The following ELAVL4 variants were observed in gnomAD, a reference collection of about 807,000 sequenced individuals.
ELAVL4 encodes ELAV like RNA binding protein 4.
A neutral mutation model predicts 35.6 loss-of-function variants in ELAVL4; 1 was observed. The observed-to-expected ratio is 0.03, with a 90% CI of 0.01 to 0.13. ELAVL4 has a LOEUF of 0.13. Ranked by LOEUF, ELAVL4 falls within the 10% of genes least tolerant of loss-of-function variation. The pLI is 1.00. For synonymous variants in ELAVL4, 156 were observed against 171.0 expected, an observed-to-expected ratio of 0.91 and a Z score of 0.69; for missense variants, 267 against 464.9, an observed-to-expected ratio of 0.57 and a Z score of 3.91.
chr1:50,184,691 C>G (rs1681561353), intron 3 of ELAVL4, among the ~76,000 whole-genome samples: 1 of 152,172 alleles, frequency 6.6e-6, no homozygotes, highest in South Asian at 2.1e-4. Flanking sequence ...TTTCAAGAAT[C>G]TGGGAAGAGA....
At chr1:50,048,201 A>G in intron 1 of ELAVL4, 3 of 1,514,384 alleles carry the variant, frequency 2.0e-6, no homozygotes, top group Non-Finnish European at 1.8e-6. Context: ...GCCTCGGCGC[A>G]GGCCCCGCAC....
intron 1 of ELAVL4, among the ~76,000 whole-genome samples, chr1:50,061,697 G>A (rs1663986141): frequency 1.3e-5 from 2 of 152,154 alleles, no homozygotes; most frequent in South Asian, 2.1e-4. Context: ...TTTGCTGGGC[G>A]GTCCTAGCCA....
At chr1:50,193,576 C>G (rs968570726) in intron 3 of ELAVL4, among the ~76,000 whole-genome samples, 189 bp from the exon 4 acceptor site, 1 of 152,082 alleles carries the variant, frequency 6.6e-6, no homozygotes, top group East Asian at 1.9e-4. Flanking sequence ...TCCTGTTGTT[C>G]CTCTATTGTT....
chr1:50,190,061 C>T (rs954309008), intron 3 of ELAVL4, among the ~76,000 whole-genome samples: 1 of 152,184 alleles, frequency 6.6e-6, no homozygotes, highest in Non-Finnish European at 1.5e-5. Flanking sequence ...TTTGAGCCAC[C>T]CCTACCCAGA....
At chr1:50,144,806 C>T in intron 1 of ELAVL4, 151 bp from the exon 2 acceptor site, 1 of 1,184,000 alleles carries the variant, frequency 8.4e-7, no homozygotes, top group Non-Finnish European at 1.2e-6. Context: ...TAAAAACATG[C>T]TTCTAAATTG....
intron 1 of ELAVL4, among the ~76,000 whole-genome samples, chr1:50,112,139 A>T (rs1667178309): frequency 6.6e-6 from 1 of 152,082 alleles, no homozygotes; most frequent in African/African-American, 2.4e-5. Context: ...GGATTTAAAA[A>T]TTTTATTTTC....
chr1:50,080,738 T>C (rs914071128), intron 1 of ELAVL4, among the ~76,000 whole-genome samples: 1 of 152,180 alleles, frequency 6.6e-6, no homozygotes, highest in Non-Finnish European at 1.5e-5. Context: ...GTTCAGATGT[T>C]ACCTCCACTG....
At chr1:50,083,498 A>G (rs1251672700) in intron 1 of ELAVL4, among the ~76,000 whole-genome samples, 1 of 152,202 alleles carries the variant, frequency 6.6e-6, no homozygotes, top group Non-Finnish European at 1.5e-5. Context: ...AACTTGAATC[A>G]GGTATGTCTG....
intron 2 of ELAVL4, among the ~76,000 whole-genome samples, chr1:50,168,334 A>AT (rs1678329574): frequency 6.6e-6 from 1 of 151,910 alleles, no homozygotes; most frequent in South Asian, 2.1e-4. Flanking sequence ...TCAGGGTCCC[A>AT]TTTTTTCCAA....
intron 2 of ELAVL4, among the ~76,000 whole-genome samples, chr1:50,159,829 A>G (rs193006859): frequency 5.2e-4 from 79 of 152,266 alleles, no homozygotes; most frequent in Non-Finnish European, 9.1e-4. Flanking sequence ...AACAGTTCCT[A>G]CATGAAGACC....
chr1:50,071,505 A>G (rs1422306327), intron 1 of ELAVL4, among the ~76,000 whole-genome samples: 7 of 152,336 alleles, frequency 4.6e-5, no homozygotes, highest in Non-Finnish European at 7.3e-5. Context: ...ATTGAAGTTC[A>G]TCGTGAATGC....
chr1:50,104,218 C>T (rs1324348765), upstream of ELAVL4, among the ~76,000 whole-genome samples: 1 of 152,122 alleles, frequency 6.6e-6, no homozygotes, highest in Admixed American at 6.5e-5. Context: ...TAAAAGTCTT[C>T]CTTGGTAATC....
intron 4 of ELAVL4, 94 bp from the exon 5 acceptor site, chr1:50,195,467 T>A: frequency 7.1e-7 from 1 of 1,407,552 alleles, no homozygotes; most frequent in Non-Finnish European, 1.0e-6. Context: ...GTGGGCTTAC[T>A]CCTCACACAA....
At chr1:50,050,967 C>T (rs1267656408) in intron 1 of ELAVL4, among the ~76,000 whole-genome samples, 1 of 152,096 alleles carries the variant, frequency 6.6e-6, no homozygotes, top group Non-Finnish European at 1.5e-5. Flanking sequence ...TATTCAAATT[C>T]ATCTTTTTTA....
At chr1:50,092,920 T>C (rs1001475249) in intron 1 of ELAVL4, among the ~76,000 whole-genome samples, 1 of 152,186 alleles carries the variant, frequency 6.6e-6, no homozygotes, top group Non-Finnish European at 1.5e-5. Context: ...AAGAGTAACC[T>C]GTGGAACAAG....
At chr1:50,187,028 T>C (rs1198328679) in intron 3 of ELAVL4, among the ~76,000 whole-genome samples, 4 of 152,158 alleles carry the variant, frequency 2.6e-5, no homozygotes, top group African/African-American at 9.7e-5. Flanking sequence ...AGAGGTGGGA[T>C]TGTAGGTCCT....
upstream of ELAVL4, among the ~76,000 whole-genome samples, chr1:50,105,061 A>T (rs982592437): frequency 6.6e-6 from 1 of 152,226 alleles, no homozygotes; most frequent in Non-Finnish European, 1.5e-5. Context: ...TTTTTAAAAG[A>T]GAGGCTTAAT....
intron 1 of ELAVL4, among the ~76,000 whole-genome samples, chr1:50,068,440 A>G (rs1203506379): frequency 6.6e-6 from 1 of 152,188 alleles, no homozygotes; most frequent in East Asian, 1.9e-4. Context: ...TTCAAAAGTG[A>G]AAATCTATGC....
At chr1:50,192,153 G>A (rs1682752759) in intron 3 of ELAVL4, among the ~76,000 whole-genome samples, 1 of 152,184 alleles carries the variant, frequency 6.6e-6, no homozygotes, top group Non-Finnish European at 1.5e-5. Context: ...CTGAGAAGGA[G>A]CCCACAGAGG....
Sources: gnomAD v4.1 joint callset for allele counts (sites outside exome capture counted in the v4.1 genomes callset) on GRCh38, gnomAD v4.1.1 for gene constraint, MANE v1.5 for transcripts, NCBI Gene and HGNC (gene_info 2026-07-23, HGNC 2026-07-21) for gene names.